Variants in NEK11 observed in about 807,000 individuals in gnomAD.
NEK11 encodes NIMA related kinase 11.
Under a neutral mutation model 80.7 loss-of-function variants are expected in NEK11, and 72 were observed. The observed-to-expected ratio is 0.89, with a 90% confidence interval of 0.74 to 1.08. The LOEUF is 1.08. Ranked by LOEUF, NEK11 falls within the 50% of genes least tolerant of loss-of-function variation. The pLI, the probability that NEK11 is intolerant of heterozygous loss-of-function variation, is 0.00. For synonymous variants in NEK11, 251 were observed against 260.7 expected (o/e 0.96, Z 0.36); for missense variants, 764 against 763.6 (o/e 1.00, Z -0.01).
intron 17 of NEK11, among the ~76,000 whole-genome samples, chr3:131,291,189 G>T (rs2096540314): frequency 6.6e-6 from 1 of 152,138 alleles, no homozygotes; most frequent in South Asian, 2.1e-4. Context: ...GATATAGTAT[G>T]TGCCCCTTTT....
chr3:131,330,050 G>A (rs1246616738), intron 17 of NEK11: 1 of 152,198 alleles, frequency 6.6e-6, no homozygotes, highest in Non-Finnish European at 1.5e-5. Context: ...AGAATCAGGT[G>A]GGAGACAGAG....
chr3:131,332,557 C>G (rs528947545), intron 17 of NEK11, among the ~76,000 whole-genome samples: 5 of 152,156 alleles, frequency 3.3e-5, no homozygotes, highest in African/African-American at 9.7e-5. Flanking sequence ...AAAAACAGAG[C>G]GCCTCTCCTC....
chr3:131,321,179 G>T (rs1244006397), intron 17 of NEK11, among the ~76,000 whole-genome samples: 1 of 152,076 alleles, frequency 6.6e-6, no homozygotes, highest in Admixed American at 6.6e-5. Context: ...ACAGAATAGA[G>T]AACCCAGAAA....
In NEK11 at chr3:131,243,482, G is replaced by A. The variant is rs755820840; in HGVS notation, c.1607G>A (p.Gly536Asp). The A allele has an allele frequency of 1.9e-6, 3 of 1,612,698 alleles. No homozygotes were observed. Among genetic ancestry groups the A allele is most frequent in the South Asian group, 2.2e-5 (2 of 91,014 alleles). The change falls in exon 16 of 18, where the codon GGT (glycine) becomes GAT (aspartate). Residue 536 changes from glycine (G) to aspartate (D), a missense_variant. Coordinates refer to ENST00000383366, the MANE Select transcript of NEK11 (RefSeq NM_024800.5). ...ALARCLENVLGCTSLDTKTIT... is the reference protein window; with the variant it reads ...ALARCLENVLDCTSLDTKTIT... ...GCCAGGTGTTTGGAAAATGTCCTGG[G>A]TTGCACTTCTCTAGGTGAGTAAGTT...
intron 3 of NEK11, among the ~76,000 whole-genome samples, chr3:131,074,873 T>G (rs1209679501): frequency 6.6e-6 from 1 of 152,194 alleles, no homozygotes; most frequent in Non-Finnish European, 1.5e-5. Flanking sequence ...TTTATATACT[T>G]GTTGGCCTCC....
At chr3:131,289,786 A>G (rs1437588057) in intron 17 of NEK11, among the ~76,000 whole-genome samples, 1 of 152,146 alleles carries the variant, frequency 6.6e-6, no homozygotes, top group Non-Finnish European at 1.5e-5. Context: ...TTTCACACAG[A>G]TTATTCTCAG....
intron 7 of NEK11, among the ~76,000 whole-genome samples, chr3:131,147,551 G>A (rs1003436410): frequency 1.3e-5 from 2 of 151,886 alleles, no homozygotes; most frequent in Middle Eastern, 3.4e-3. Flanking sequence ...TTGTTTAATT[G>A]CCGTGGCTAT....
chr3:131,312,200 T>C (rs2096789124), intron 17 of NEK11, among the ~76,000 whole-genome samples: 1 of 152,200 alleles, frequency 6.6e-6, no homozygotes, highest in African/African-American at 2.4e-5. Flanking sequence ...ACTCCGATTT[T>C]TCTTGCCACT....
intron 15 of NEK11, among the ~76,000 whole-genome samples, chr3:131,229,330 T>A (rs1336192074): frequency 2.0e-5 from 3 of 152,254 alleles, no homozygotes; most frequent in Non-Finnish European, 2.9e-5. Context: ...CAGTGTTGAG[T>A]GTCTGCAACA....
At chr3:131,125,219 T>C (rs1329432105) in intron 5 of NEK11, among the ~76,000 whole-genome samples, 1 of 152,200 alleles carries the variant, frequency 6.6e-6, no homozygotes. Context: ...TTGTGTCCTA[T>C]AAAGTAAACT....
intron 4 of NEK11, among the ~76,000 whole-genome samples, chr3:131,101,723 T>C (rs1160936093): frequency 6.6e-6 from 1 of 152,236 alleles, no homozygotes; most frequent in South Asian, 2.1e-4. Context: ...TGGAGTGTTC[T>C]ATAAATGTTT....
At chr3:131,123,005 A>G (rs1425170393) in intron 5 of NEK11, among the ~76,000 whole-genome samples, 1 of 152,206 alleles carries the variant, frequency 6.6e-6, no homozygotes, top group Non-Finnish European at 1.5e-5. Context: ...AACTGTGTTG[A>G]GCTTTTTAGA....
intron 3 of NEK11, among the ~76,000 whole-genome samples, chr3:131,067,201 C>T (rs1432207567): frequency 6.6e-6 from 1 of 152,144 alleles, no homozygotes; most frequent in Non-Finnish European, 1.5e-5. Context: ...TCTGCTCTGC[C>T]ACTGGATTGC....
At chr3:131,251,486 G>A (rs2095702268) in intron 16 of NEK11, among the ~76,000 whole-genome samples, 6 of 151,984 alleles carry the variant, frequency 3.9e-5, no homozygotes, top group Admixed American at 3.3e-4. Flanking sequence ...AACTAAATTT[G>A]TAAATTAAAA....
At chr3:131,344,852 G>A (rs1333420869) in intron 17 of NEK11, among the ~76,000 whole-genome samples, 1 of 152,146 alleles carries the variant, frequency 6.6e-6, no homozygotes, top group Non-Finnish European at 1.5e-5. Context: ...ACAGCACCAA[G>A]CCATGAGGGA....
chr3:131,272,463 C>CTTCTTTTTT (rs2096210843), intron 16 of NEK11, among the ~76,000 whole-genome samples: 3 of 43,884 alleles, frequency 6.8e-5, no homozygotes, highest in African/African-American at 2.7e-4. Context: ...GTTTTAGCTT[C>CTTCTTTTTT]TTTTTTTTTT....
At chr3:131,056,180 GTC>G (rs546906145) in intron 3 of NEK11, among the ~76,000 whole-genome samples, 10 of 152,296 alleles carry the variant, frequency 6.6e-5, no homozygotes, top group Admixed American at 4.6e-4. Context: ...GGTTCTGTCT[GTC>G]TCTGCCTCAT....
intron 17 of NEK11, among the ~76,000 whole-genome samples, chr3:131,284,476 T>C (rs2096446024): frequency 6.6e-6 from 1 of 152,194 alleles, no homozygotes; most frequent in African/African-American, 2.4e-5. Flanking sequence ...ATCTAGGCTT[T>C]TAATTCATTT....
chr3:131,234,204 A>G (rs1268159206), intron 15 of NEK11, among the ~76,000 whole-genome samples: 4 of 152,202 alleles, frequency 2.6e-5, no homozygotes, highest in Admixed American at 2.0e-4. Flanking sequence ...GAAAAGTAAA[A>G]CAAAAAAGAC....
Sources: gnomAD v4.1 joint callset for allele counts (sites outside exome capture counted in the v4.1 genomes callset) on GRCh38, gnomAD v4.1.1 for gene constraint, MANE v1.5 for transcripts, NCBI Gene and HGNC (gene_info 2026-07-23, HGNC 2026-07-21) for gene names.